KANSL1L: variants seen among roughly 807,000 people sequenced by gnomAD.
KANSL1L encodes KAT8 regulatory NSL complex subunit 1 like.
In KANSL1L, 25 loss-of-function variants were observed where a neutral mutation model predicts 108.6. That is an observed-to-expected ratio of 0.23 (90% confidence interval 0.17 to 0.32). KANSL1L has a LOEUF of 0.32. Among genes scored for constraint, KANSL1L ranks in the 10% least tolerant of loss-of-function variants. The pLI is 1.00. For synonymous variants in KANSL1L, 405 were observed against 395.1 expected, an observed-to-expected ratio of 1.03 and a Z score of -0.30; for missense variants, 1,137 against 1,125.7, an observed-to-expected ratio of 1.01 and a Z score of -0.14.
intron 6 of KANSL1L, among the ~76,000 whole-genome samples, chr2:210,065,793 C>G (rs1338489736): frequency 6.6e-6 from 1 of 152,002 alleles, no homozygotes; most frequent in Admixed American, 6.6e-5. Context: ...ACCATGTTGG[C>G]CAGGCTGGTC....
Position 210,023,080 on chromosome 2 carries a change from T to C in KANSL1L, c.2833A>G (p.Thr945Ala), listed in dbSNP as rs781274866. 65 of 1,613,966 alleles carry C rather than the reference T, an allele frequency of 4.0e-5. No individual in the cohort carries two copies. The highest frequency in any genetic ancestry group is 5.3e-5 in the Non-Finnish European group (63 of 1,179,948). ...CCGAAGATTTCACCATGGAAAGCTG[T>C]GCTTGACCTTTCAACCTGATCCTTT... is the stretch of plus-strand genomic sequence containing the variant. ...EKKDQVERSS[T>A]AFHGEIFGTS... Residue 945 changes from threonine (T) to alanine (A), a missense_variant, in exon 15 of 15, where the codon ACA becomes GCA. Around this residue, in one of 3 missense-constraint regions of KANSL1L, gnomAD observed 575 missense variants for 567.1 expected, o/e 1.01. Transcript: ENST00000281772.
At chr2:210,081,265 C>G (rs1339484840) in intron 5 of KANSL1L, among the ~76,000 whole-genome samples, 1 of 152,138 alleles carries the variant, frequency 6.6e-6, no homozygotes, top group Non-Finnish European at 1.5e-5. Flanking sequence ...CATTTCCAAC[C>G]ATACTGCTTC....
intron 5 of KANSL1L, among the ~76,000 whole-genome samples, chr2:210,080,748 G>C (rs1003033849): frequency 5.9e-5 from 9 of 152,068 alleles, no homozygotes; most frequent in Non-Finnish European, 1.3e-4. Flanking sequence ...AAGAATTCAT[G>C]TCAAACATAA....
At chr2:210,027,694 TTTC>T (rs1248455926) in intron 11 of KANSL1L, among the ~76,000 whole-genome samples, 2 of 152,234 alleles carry the variant, frequency 1.3e-5, no homozygotes, top group East Asian at 3.8e-4. Flanking sequence ...TGTTTGCCAA[TTTC>T]TTTGGTGTGA....
At chr2:210,111,293 A>C (rs753203088) in intron 3 of KANSL1L, among the ~76,000 whole-genome samples, 2 of 152,176 alleles carry the variant, frequency 1.3e-5, no homozygotes, top group African/African-American at 2.4e-5. Context: ...CCTACAATGG[A>C]ATACTGCTCA....
At chr2:210,148,314 T>C (rs1165013799) in intron 2 of KANSL1L, among the ~76,000 whole-genome samples, 1 of 152,166 alleles carries the variant, frequency 6.6e-6, no homozygotes, top group Non-Finnish European at 1.5e-5. Context: ...ATGTAACTGA[T>C]CATCATTCCC....
intron 3 of KANSL1L, among the ~76,000 whole-genome samples, chr2:210,106,831 C>A (rs760726282): frequency 4.6e-5 from 7 of 151,396 alleles, no homozygotes; most frequent in Non-Finnish European, 8.8e-5. Flanking sequence ...TCTGTTTTTT[C>A]CTCCATAAAC....
intron 6 of KANSL1L, among the ~76,000 whole-genome samples, chr2:210,062,074 T>C (rs942047111): frequency 2.0e-5 from 3 of 152,236 alleles, no homozygotes; most frequent in Admixed American, 6.5e-5. Context: ...TGATATGGTT[T>C]AGTTGTGTCC....
At chr2:210,054,713 C>T (rs2094330700) in intron 6 of KANSL1L, among the ~76,000 whole-genome samples, 1 of 149,374 alleles carries the variant, frequency 6.7e-6, no homozygotes, top group Admixed American at 6.7e-5. Context: ...AAGTTCTAGC[C>T]ACAGCAATTA....
In KANSL1L at chr2:210,040,470, T is replaced by C. The variant is rs78815845; in HGVS notation, c.1979A>G (p.Asn660Ser). The change falls in exon 8 of 15, where the codon AAT becomes AGT. Residue 660 changes from asparagine to serine, a missense_variant. By Grantham distance (46) the Asn-to-Ser change is conservative. Around this residue, in one of 3 missense-constraint regions of KANSL1L, gnomAD observed 575 missense variants for 567.1 expected, o/e 1.01. Coordinates refer to ENST00000281772, the MANE Select transcript of KANSL1L (RefSeq NM_152519.4). ...TLLKKTEIKG[N>S]LAENKFVDEY... Reference sequence around the variant, plus strand: ...ATCTACAAATTTATTTTCAGCAAGATTGCCTTTTATTTCAGTCTTTTTTAA... The same window carrying C: ...ATCTACAAATTTATTTTCAGCAAGACTGCCTTTTATTTCAGTCTTTTTTAA... The C allele has an allele frequency of 0.031, 48,090 of 1,565,048 alleles. 865 individuals carry two copies. Among genetic ancestry groups the C allele is most frequent in the Non-Finnish European group, 0.035 (40,230 of 1,142,600 alleles).
intron 5 of KANSL1L, among the ~76,000 whole-genome samples, chr2:210,083,245 TC>T (rs1353533043): frequency 3.9e-5 from 6 of 152,088 alleles, no homozygotes; most frequent in African/African-American, 1.4e-4. Context: ...ACTTCTAGCC[TC>T]CAGAACTGTG....
chr2:210,024,211 A>G lies in KANSL1L; in HGVS notation c.2565-10T>C, dbSNP rs370101091. 191 of 1,541,102 alleles carry G rather than the reference A, an allele frequency of 1.2e-4. 1 individual carries two copies. The African/African-American group carries it at 2.5e-3, about 20-fold the overall frequency. ...ATTTTTACTGTAAGCTCTAGCAAGA[A>G]AATCAGGAAAACACAATTATTTTTT... On this transcript the variant is annotated splice_polypyrimidine_tract_variant and intron_variant, in intron 13 of 14. Coordinates refer to ENST00000281772, the MANE Select transcript of KANSL1L (RefSeq NM_152519.4).
rs778296595 is a variant in KANSL1L, at chr2:210,075,760, A to C, written c.1551-4T>G. 6.2e-7 allele frequency: 1 copy of C among 1,606,156 alleles called. No homozygotes were observed. The highest frequency in any genetic ancestry group is 8.5e-7 in the Non-Finnish European group (1 of 1,173,192). On this transcript the variant is annotated splice_polypyrimidine_tract_variant and splice_region_variant and intron_variant, in intron 5 of 14. Coordinates refer to ENST00000281772, the MANE Select transcript of KANSL1L (RefSeq NM_152519.4). ...CTCATCTAAATTCTCTGATGCACTG[A>C]AATGCCATGAAATAATTAGGGCGTG...
chr2:210,043,150 T>C (rs1292132789), intron 7 of KANSL1L, among the ~76,000 whole-genome samples: 2 of 150,868 alleles, frequency 1.3e-5, no homozygotes, highest in East Asian at 1.9e-4. Context: ...TTTTGGGAGG[T>C]TGAGGTGGGA....
At chr2:210,155,133 C>T (rs2095325873) in intron 1 of KANSL1L, 2 of 152,204 alleles carry the variant, frequency 1.3e-5, no homozygotes, top group South Asian at 2.1e-4. Flanking sequence ...TAAGTGAGGC[C>T]GGACGTGGTG....
In KANSL1L at chr2:210,036,419, C is replaced by T. The variant is rs542485272; in HGVS notation, c.2029+4001G>A. Among the ~76,000 whole-genome samples, 6 of 152,016 alleles carry T rather than the reference C, an allele frequency of 3.9e-5. No individual in the cohort carries two copies. In the South Asian group the frequency reaches 6.3e-4, roughly 16 times the overall value. On this transcript the variant is annotated intron_variant, in intron 8 of 14. Transcript: ENST00000281772. ...CTGGTCTTGAACTCCTGGGCTCAAG[C>T]GATCCCCCTACCTCAGCCTCCCAAA...
intron 3 of KANSL1L, among the ~76,000 whole-genome samples, chr2:210,106,811 A>C (rs2094851620): frequency 6.6e-6 from 1 of 151,952 alleles, no homozygotes; most frequent in Admixed American, 6.6e-5. Flanking sequence ...CGTCATAGTC[A>C]ACTTCATAAT....
intron 5 of KANSL1L, among the ~76,000 whole-genome samples, chr2:210,085,723 A>C (rs2094631081): frequency 6.6e-6 from 1 of 151,770 alleles, no homozygotes; most frequent in Admixed American, 6.6e-5. Flanking sequence ...TTTTCCACTT[A>C]ATATTTCAAT....
At chr2:210,086,872 AG>A (rs1195301707) in intron 5 of KANSL1L, among the ~76,000 whole-genome samples, 1 of 152,086 alleles carries the variant, frequency 6.6e-6, no homozygotes, top group Non-Finnish European at 1.5e-5. Context: ...CTTTATTAGA[AG>A]AACTGTAACA....
Sources: allele counts gnomAD v4.1 joint callset (sites outside exome capture counted in the v4.1 genomes callset), GRCh38; gene constraint gnomAD v4.1.1; regional missense constraint gnomAD v4.1.1; transcripts MANE v1.5; gene names NCBI Gene and HGNC (gene_info 2026-07-23, HGNC 2026-07-21).